The following USP8 variants were observed in gnomAD, a reference collection of about 807,000 sequenced individuals.
USP8 encodes the protein ubiquitin specific peptidase 8.
A neutral mutation model predicts 130.0 loss-of-function variants in USP8; 27 were observed. That is an observed-to-expected ratio of 0.21 (90% CI 0.15 to 0.29). USP8 has a LOEUF of 0.29. Among genes scored for constraint, USP8 ranks in the 10% least tolerant of loss-of-function variants. The pLI is 1.00. For missense variants in USP8, 1,029 were observed against 1,312.2 expected (o/e 0.78, Z 3.33); for synonymous variants, 392 against 444.1 (o/e 0.88, Z 1.48).
At chr15:50,487,421 G>T (rs939146337) in intron 12 of USP8, among the ~76,000 whole-genome samples, 1 of 152,062 alleles carries the variant, frequency 6.6e-6, no homozygotes, top group African/African-American at 2.4e-5. Flanking sequence ...ACATCCTTCT[G>T]TTCCTTTTAA....
intron 2 of USP8, among the ~76,000 whole-genome samples, chr15:50,440,767 C>T (rs2050229109): frequency 6.6e-6 from 1 of 152,006 alleles, no homozygotes. Context: ...CTTTGGGAGG[C>T]TGAGATGGGA....
In USP8 at chr15:50,495,887, C is replaced by T; in HGVS notation, c.2698C>T (p.His900Tyr). ...RKRYKEENND[H>Y]LDDFKAAEHA... ...GAGATATAAAGAAGAAAATAATGAT[C>T]ATCTCGATGACTTTAAAGCTGCAGA... is the stretch of plus-strand genomic sequence containing the variant. Residue 900 changes from histidine (H) to tyrosine (Y), a missense_variant, in exon 17 of 20, where the codon CAT (histidine) becomes TAT (tyrosine). Transcript: ENST00000307179. The T allele has an allele frequency of 6.2e-7, 1 of 1,613,602 alleles. No homozygotes were observed. The highest frequency in any genetic ancestry group is 1.1e-5 in the South Asian group (1 of 91,030).
At chr15:50,451,960 T>C (rs1335078475) in intron 4 of USP8, among the ~76,000 whole-genome samples, 1 of 152,240 alleles carries the variant, frequency 6.6e-6, no homozygotes, top group Non-Finnish European at 1.5e-5. Flanking sequence ...TCATCTGATG[T>C]CATGGTCTAT....
chr15:50,487,045 A>G (rs2051987646), intron 12 of USP8, among the ~76,000 whole-genome samples: 1 of 151,318 alleles, frequency 6.6e-6, no homozygotes. Flanking sequence ...AACCGCTTGA[A>G]CCCAGGAGGC....
Position 50,492,912 on chromosome 15 carries a change from A to G in USP8, c.2446A>G (p.Arg816Gly), listed in dbSNP as rs1394151223. Residue 816 changes from arginine (R) to glycine (G), a missense_variant and splice_region_variant, in exon 15 of 20, where the codon AGG (arginine) becomes GGG (glycine). By Grantham distance (125) the Arg-to-Gly change is moderately radical. Transcript: ENST00000307179. Reference sequence around the variant, plus strand: ...AAACTGTTATCAGGATGATATTAACAGGTAAATACATGTCATACTTTTTGC... The same window carrying G: ...AAACTGTTATCAGGATGATATTAACGGGTAAATACATGTCATACTTTTTGC... ...NRNCYQDDIN[R>G]SNLLGHKGEV... The G allele has an allele frequency of 6.2e-7, 1 of 1,612,796 alleles. No individual in the cohort carries two copies. The highest frequency in any genetic ancestry group is 8.5e-7 in the Non-Finnish European group (1 of 1,178,934).
intron 8 of USP8, 57 bp from the exon 9 acceptor site, chr15:50,476,792 G>C: frequency 2.7e-6 from 4 of 1,484,790 alleles, no homozygotes; most frequent in Non-Finnish European, 3.6e-6. Context: ...GATTTGTTGT[G>C]TTTTTAGCTG....
intron 8 of USP8, among the ~76,000 whole-genome samples, chr15:50,472,889 A>C (rs1281768225): frequency 6.6e-6 from 1 of 152,178 alleles, no homozygotes; most frequent in Admixed American, 6.5e-5. Flanking sequence ...CAGCCTGGGC[A>C]GCAAGAGCAG....
At chr15:50,494,807 G>C (rs2052311556) in intron 16 of USP8, among the ~76,000 whole-genome samples, 1 of 152,134 alleles carries the variant, frequency 6.6e-6, no homozygotes. Flanking sequence ...CTGAGGTCAG[G>C]AGTTTGAGCC....
intron 6 of USP8, 134 bp from the exon 7 acceptor site, chr15:50,464,913 G>A (rs940351950): frequency 1.2e-6 from 1 of 859,532 alleles, no homozygotes; most frequent in South Asian, 1.9e-5. Context: ...GTATGATGGA[G>A]TAGTAAATAT....
At chr15:50,443,764 G>T (rs982936441) in intron 3 of USP8, among the ~76,000 whole-genome samples, 4 of 152,116 alleles carry the variant, frequency 2.6e-5, no homozygotes, top group African/African-American at 9.7e-5. Context: ...TTCCAGGCTT[G>T]AGCCATCATG....
At position 50,467,701 on chromosome 15, in the gene USP8, A is replaced by G. The variant is rs138267694; in HGVS notation, c.686+2510A>G. On this transcript the variant is annotated intron_variant, in intron 7 of 19. Coordinates refer to ENST00000307179, the MANE Select transcript of USP8 (RefSeq NM_005154.5). ...CTCCTGGGTAGCTGGGAATACAGGC[A>G]CATGCCACCATGCCCAGCTGATTTT... Among the ~76,000 whole-genome samples the G allele has an allele frequency of 4.0e-3, 601 of 151,970 alleles. 5 individuals carry two copies. Among genetic ancestry groups the G allele is most frequent in the African/African-American group, 0.014 (568 of 41,460 alleles).
intron 1 of USP8, among the ~76,000 whole-genome samples, chr15:50,427,288 T>G (rs1335573390): frequency 6.6e-6 from 1 of 152,152 alleles, no homozygotes; most frequent in Non-Finnish European, 1.5e-5. Flanking sequence ...CATATTACAG[T>G]TTTCAAAGCA....
At position 50,441,405 on chromosome 15, in the gene USP8, G is replaced by A. The variant is rs763929433; in HGVS notation, c.161G>A (p.Arg54His). The A allele has an allele frequency of 2.5e-6, 4 of 1,610,382 alleles. No individual in the cohort carries two copies. The highest frequency in any genetic ancestry group is 2.7e-5 in the African/African-American group (2 of 74,634). Residue 54 changes from arginine (R) to histidine (H), a missense_variant, in exon 3 of 20, where the codon CGT (arginine) becomes CAT (histidine). Arg to His is a conservative substitution (Grantham distance 29). This residue lies in a region of USP8 where 281 missense variants were observed against 336.7 expected (regional missense o/e 0.83). Transcript: ENST00000307179. ...FKTAEECRLD[R>H]DEERAYVLYM... Reference sequence around the variant, plus strand: ...ACAGCAGAAGAATGCAGATTAGATCGTGATGAGGAAAGGGCCTATGTACTA... The same window carrying A: ...ACAGCAGAAGAATGCAGATTAGATCATGATGAGGAAAGGGCCTATGTACTA...
chr15:50,465,250 A>C, intron 7 of USP8, 59 bp downstream of exon 7: 2 of 1,452,500 alleles, frequency 1.4e-6, no homozygotes, highest in Non-Finnish European at 1.8e-6. Flanking sequence ...TGTGGACCTT[A>C]GTAAATGTTA....
intron 10 of USP8, among the ~76,000 whole-genome samples, chr15:50,480,211 A>T (rs1237493500): frequency 6.6e-6 from 1 of 152,194 alleles, no homozygotes; most frequent in Admixed American, 6.5e-5. Context: ...TCTAGTGTTA[A>T]CATGCTGTTA....
intron 1 of USP8, among the ~76,000 whole-genome samples, chr15:50,437,543 G>T (rs1344209388): frequency 6.6e-6 from 1 of 152,192 alleles, no homozygotes; most frequent in African/African-American, 2.4e-5. Flanking sequence ...TATTCTTGGA[G>T]AATCAGAGAC....
intron 8 of USP8, among the ~76,000 whole-genome samples, chr15:50,473,312 TTC>T (rs1184692222): frequency 6.6e-6 from 1 of 152,172 alleles, no homozygotes; most frequent in Non-Finnish European, 1.5e-5. Context: ...ACTACACATA[TTC>T]TCTCATGTAA....
intron 17 of USP8, 59 bp from the exon 18 acceptor site, chr15:50,497,030 C>G: frequency 6.5e-7 from 1 of 1,548,606 alleles, no homozygotes; most frequent in East Asian, 2.3e-5. Context: ...AATAGGTGCT[C>G]TCTGACATTA....
At chr15:50,484,132 A>G in intron 11 of USP8, 143 bp from the exon 12 acceptor site, 1 of 555,124 alleles carries the variant, frequency 1.8e-6, no homozygotes, top group Non-Finnish European at 3.1e-6. Flanking sequence ...ATGTGACAGT[A>G]AAATATAATA....
Sources: gnomAD v4.1 joint callset for allele counts (sites outside exome capture counted in the v4.1 genomes callset) on GRCh38, gnomAD v4.1.1 for gene constraint, gnomAD v4.1.1 regional missense constraint, MANE v1.5 for transcripts, NCBI Gene and HGNC (gene_info 2026-07-23, HGNC 2026-07-21) for gene names.